CTNNA3: variants seen among roughly 807,000 people sequenced by gnomAD.
The protein encoded by CTNNA3 is catenin alpha-3.
CTNNA3 carries 76 observed loss-of-function variants against 95.7 expected under a neutral mutation model. The observed-to-expected ratio is 0.79, with a 90% CI of 0.66 to 0.96. The LOEUF is 0.96. Ranked by LOEUF, CTNNA3 falls within the 40% of genes least tolerant of loss-of-function variation. CTNNA3 has a pLI of 0.00. For synonymous variants in CTNNA3, 431 were observed against 374.4 expected (o/e 1.15, Z -1.74); for missense variants, 1,191 against 1,089.8 (o/e 1.09, Z -1.31).
intron 12 of CTNNA3, among the ~76,000 whole-genome samples, chr10:66,299,837 T>A (rs547763018): frequency 3.3e-5 from 5 of 152,194 alleles, no homozygotes; most frequent in Non-Finnish European, 7.4e-5. Context: ...TTTGAACAAC[T>A]AAGAATAGAA....
chr10:67,143,099 A>G (rs1003791681), intron 7 of CTNNA3, among the ~76,000 whole-genome samples: 11 of 151,730 alleles, frequency 7.2e-5, no homozygotes, highest in African/African-American at 2.4e-4. Context: ...TGAAAATGAA[A>G]CAACAATGGA....
intron 13 of CTNNA3, among the ~76,000 whole-genome samples, chr10:66,222,622 A>G (rs1341056596): frequency 1.5e-5 from 1 of 65,286 alleles, no homozygotes; most frequent in African/African-American, 4.1e-5. Context: ...GAAAGAAAGA[A>G]AAAGAAAGAA....
At chr10:67,727,990 T>C (rs1841250741) in intron 1 of CTNNA3, among the ~76,000 whole-genome samples, 1 of 139,046 alleles carries the variant, frequency 7.2e-6, no homozygotes, top group Non-Finnish European at 1.5e-5. Flanking sequence ...TACATATATG[T>C]ATACATGTAT....
intron 9 of CTNNA3, among the ~76,000 whole-genome samples, chr10:66,689,908 G>A (rs573095331): frequency 2.0e-5 from 3 of 152,222 alleles, no homozygotes; most frequent in African/African-American, 7.2e-5. Context: ...AAACAAGATA[G>A]AAAAGACACA....
chr10:66,044,992 GTGTGTTGGATTCCAAAGCCAACACTCAA>G (rs1476213256), intron 15 of CTNNA3, among the ~76,000 whole-genome samples: 1 of 152,118 alleles, frequency 6.6e-6, no homozygotes, highest in Non-Finnish European at 1.5e-5. Context: ...CAATAGTGGT[GTGTGTTGGATTCCAAAGCCAACACTCAA>G]TGAGAAACAC....
At chr10:66,130,850 G>A (rs1178118765) in intron 13 of CTNNA3, among the ~76,000 whole-genome samples, 51 of 143,282 alleles carry the variant, frequency 3.6e-4, no homozygotes, top group Admixed American at 7.0e-4. Context: ...GCAAGACTCC[G>A]TCTCAAAAAC....
chr10:67,279,175 A>G (rs1328747228), intron 5 of CTNNA3, among the ~76,000 whole-genome samples: 1 of 152,186 alleles, frequency 6.6e-6, no homozygotes, highest in Non-Finnish European at 1.5e-5. Flanking sequence ...CATAAAACCT[A>G]GAGTCTAAGC....
chr10:67,419,292 A>T (rs1285823591), intron 5 of CTNNA3, among the ~76,000 whole-genome samples: 2 of 151,968 alleles, frequency 1.3e-5, no homozygotes, highest in East Asian at 1.9e-4. Flanking sequence ...ATACAATAAC[A>T]TGCATTATCC....
intron 7 of CTNNA3, among the ~76,000 whole-genome samples, chr10:66,811,911 C>T (rs1400165422): frequency 6.6e-6 from 1 of 152,140 alleles, no homozygotes; most frequent in Non-Finnish European, 1.5e-5. Context: ...AACCAAGACT[C>T]TGTATTAAGT....
In CTNNA3 at chr10:66,980,664, T is replaced by C. The variant is rs1850375111; in HGVS notation, c.1047+199653A>G. 2.0e-5 allele frequency among the ~76,000 whole-genome samples: 3 copies of C among 152,284 alleles called. No homozygotes were observed. The South Asian group carries it at 6.2e-4, about 32-fold the overall frequency. On this transcript the variant is annotated intron_variant, in intron 7 of 17. Coordinates refer to ENST00000433211, the MANE Select transcript of CTNNA3 (RefSeq NM_013266.4). ...AGCCCGCAATTCTGTTGAAATAAAA[T>C]TTTGTCACTTCAGTTTTCAGTACAA...
At chr10:67,272,721 C>A (rs1839034987) in intron 5 of CTNNA3, among the ~76,000 whole-genome samples, 1 of 152,092 alleles carries the variant, frequency 6.6e-6, no homozygotes, top group Non-Finnish European at 1.5e-5. Context: ...TTGCAATGCA[C>A]TAAAGCATCT....
chr10:66,751,657 T>G (rs778514379), intron 9 of CTNNA3, among the ~76,000 whole-genome samples: 23 of 152,230 alleles, frequency 1.5e-4, no homozygotes, highest in Non-Finnish European at 2.9e-4. Context: ...TGCTCTTTCC[T>G]ACTACATTAG....
intron 7 of CTNNA3, among the ~76,000 whole-genome samples, chr10:66,954,484 C>T (rs780949192): frequency 7.2e-5 from 11 of 152,136 alleles, no homozygotes; most frequent in Non-Finnish European, 1.5e-4. Flanking sequence ...TTGTGCACTA[C>T]ACGGTCCCGC....
chr10:66,797,417 A>AC (rs1564689836), intron 7 of CTNNA3, among the ~76,000 whole-genome samples: 13 of 143,932 alleles, frequency 9.0e-5, no homozygotes, highest in Admixed American at 4.1e-4. Context: ...AAAAAAAAAA[A>AC]AAAAACCCAC....
In CTNNA3 at chr10:67,341,843, C is replaced by T. The variant is rs150670249; in HGVS notation, c.580-121973G>A. On this transcript the variant is annotated intron_variant, in intron 5 of 17. Coordinates refer to ENST00000433211, the MANE Select transcript of CTNNA3 (RefSeq NM_013266.4). ...TACAATGACTCCCTTTTCTCCATAT[C>T]CTCATTAGCATTTGTTATTGCCTGT... is the stretch of plus-strand genomic sequence containing the variant. Among the ~76,000 whole-genome samples, 3 of 151,914 alleles carry T rather than the reference C, an allele frequency of 2.0e-5. No individual in the cohort carries two copies. The East Asian group carries it at 5.8e-4, about 29-fold the overall frequency.
intron 11 of CTNNA3, among the ~76,000 whole-genome samples, chr10:66,489,075 C>A (rs563924619): frequency 2.0e-5 from 3 of 152,050 alleles, no homozygotes; most frequent in Non-Finnish European, 4.4e-5. Context: ...AGAAGACAGA[C>A]GTAGTGAATC....
At position 66,906,213 on chromosome 10, in the gene CTNNA3, C is replaced by T. The variant is rs141421466; in HGVS notation, c.1048-130689G>A. Among the ~76,000 whole-genome samples the T allele has an allele frequency of 8.7e-4, 133 of 152,158 alleles. 1 individual carries two copies. Among genetic ancestry groups the T allele is most frequent in the African/African-American group, 2.9e-3 (119 of 41,520 alleles). ...CTAAGGATCAATCTTAACACCATAA[C>T]GAAGAGATATTAGATATTATGGGCT... On this transcript the variant is annotated intron_variant, in intron 7 of 17. Coordinates refer to ENST00000433211, the MANE Select transcript of CTNNA3 (RefSeq NM_013266.4).
intron 11 of CTNNA3, among the ~76,000 whole-genome samples, chr10:66,516,862 G>A (rs1840877647): frequency 6.6e-6 from 1 of 152,134 alleles, no homozygotes; most frequent in African/African-American, 2.4e-5. Context: ...AATGTTTGGA[G>A]ATGCAATGCT....
intron 5 of CTNNA3, among the ~76,000 whole-genome samples, chr10:67,453,323 T>C (rs1347584360): frequency 1.3e-5 from 2 of 152,210 alleles, no homozygotes; most frequent in African/African-American, 4.8e-5. Context: ...ATGGGTTATA[T>C]AAAGAATTCT....
Sources: allele counts gnomAD v4.1 joint callset (sites outside exome capture counted in the v4.1 genomes callset), GRCh38; gene constraint gnomAD v4.1.1; transcripts MANE v1.5; gene names NCBI Gene and HGNC (gene_info 2026-07-23, HGNC 2026-07-21).